NOL4: variants seen among roughly 807,000 people sequenced by gnomAD.
NOL4 encodes the protein nucleolar protein 4.
A neutral mutation model predicts 75.9 loss-of-function variants in NOL4; 17 were observed. The observed-to-expected ratio is 0.22, with a 90% CI of 0.15 to 0.34. The LOEUF is 0.34. NOL4 is among the 10% of genes least tolerant of loss of function. The pLI, the probability that NOL4 is intolerant of heterozygous loss-of-function variation, is 1.00. For synonymous variants in NOL4, 292 were observed against 289.9 expected, an observed-to-expected ratio of 1.01 and a Z score of -0.07; for missense variants, 614 against 793.5, an observed-to-expected ratio of 0.77 and a Z score of 2.72.
intron 6 of NOL4, among the ~76,000 whole-genome samples, chr18:33,996,945 G>A (rs1410493835): frequency 1.3e-5 from 2 of 151,738 alleles, no homozygotes; most frequent in African/African-American, 4.8e-5. Context: ...TGGGATTACT[G>A]GGTCAAATGG....
chr18:34,222,991 G>A lies in NOL4; in HGVS notation c.263C>T (p.Thr88Met), dbSNP rs759309117. The change falls in exon 1 of 11, where the codon ACG becomes ATG. Residue 88 changes from threonine (T) to methionine (M), a missense_variant and splice_region_variant. Physicochemically the swap from Thr to Met is moderately conservative, Grantham distance 81. This residue lies in a region of NOL4 where 49 missense variants were observed against 39.6 expected (regional missense o/e 1.24). Coordinates refer to ENST00000261592, the MANE Select transcript of NOL4 (RefSeq NM_003787.5). ...KQVLYVPVKT[T>M]DGVGVDEKLS... ...AACAGAGGAAGGCGAGTCACTCACC[G>A]TGGTCTTGACAGGCACGTAGAGCAC... 1.4e-5 allele frequency: 22 copies of A among 1,606,316 alleles called. No individual in the cohort carries two copies. The highest frequency in any genetic ancestry group is 1.3e-4 in the African/African-American group (10 of 74,770).
chr18:34,124,091 G>A (rs1484216820), intron 2 of NOL4, among the ~76,000 whole-genome samples: 1 of 152,030 alleles, frequency 6.6e-6, no homozygotes, highest in African/African-American at 2.4e-5. Flanking sequence ...ATAAAATGGG[G>A]AAAAAACAAT....
chr18:34,131,098 ACAC>A (rs1438162392), intron 1 of NOL4, among the ~76,000 whole-genome samples: 2 of 147,110 alleles, frequency 1.4e-5, no homozygotes, highest in African/African-American at 2.5e-5. Context: ...ACACACACAC[ACAC>A]ACTTCTTATT....
intron 1 of NOL4, among the ~76,000 whole-genome samples, chr18:34,135,163 C>G (rs1017793426): frequency 6.6e-6 from 1 of 151,826 alleles, no homozygotes; most frequent in African/African-American, 2.4e-5. Flanking sequence ...TTAAGCTCTA[C>G]TTATATAAAA....
chr18:33,902,243 C>T (rs1308059207), intron 9 of NOL4, among the ~76,000 whole-genome samples: 1 of 151,864 alleles, frequency 6.6e-6, no homozygotes, highest in Admixed American at 6.6e-5. Context: ...CATTGGTTTG[C>T]TCCTAATAAA....
chr18:34,041,951 T>C (rs1035744138), intron 5 of NOL4, among the ~76,000 whole-genome samples: 1 of 151,998 alleles, frequency 6.6e-6, no homozygotes, highest in Admixed American at 6.6e-5. Context: ...AAAATAATAA[T>C]CTTTAAACAG....
intron 2 of NOL4, among the ~76,000 whole-genome samples, chr18:34,117,729 T>G: frequency 6.6e-6 from 1 of 152,188 alleles, no homozygotes. Context: ...GGACTTCCAT[T>G]TTTAATAGAA....
intron 6 of NOL4, among the ~76,000 whole-genome samples, chr18:33,973,817 A>G (rs2071271798): frequency 6.6e-6 from 1 of 152,204 alleles, no homozygotes; most frequent in South Asian, 2.1e-4. Context: ...CTGTACACAG[A>G]TGGGCTGTCA....
At chr18:33,964,069 T>C (rs1331518910) in intron 6 of NOL4, among the ~76,000 whole-genome samples, 2 of 152,276 alleles carry the variant, frequency 1.3e-5, no homozygotes, top group East Asian at 3.9e-4. Context: ...ACAGCAGTGA[T>C]CGTAAGGTAT....
intron 5 of NOL4, among the ~76,000 whole-genome samples, chr18:34,067,527 C>T (rs1173936664): frequency 2.6e-5 from 4 of 152,038 alleles, no homozygotes; most frequent in African/African-American, 9.7e-5. Flanking sequence ...ATAAACCAGG[C>T]AAATGATGAG....
intron 1 of NOL4, among the ~76,000 whole-genome samples, chr18:34,152,320 A>T (rs2081679153): frequency 6.6e-6 from 1 of 151,858 alleles, no homozygotes; most frequent in African/African-American, 2.4e-5. Context: ...TAGGACTCTT[A>T]AAAAAATGTC....
chr18:34,126,787 A>G (rs2145881580), intron 2 of NOL4, among the ~76,000 whole-genome samples: 1 of 152,164 alleles, frequency 6.6e-6, no homozygotes, highest in South Asian at 2.1e-4. Context: ...TTTTGAAGTG[A>G]CTTTCCAAAT....
intron 1 of NOL4, chr18:34,221,020 A>G (rs1233943655): frequency 6.6e-6 from 1 of 152,158 alleles, no homozygotes; most frequent in Non-Finnish European, 1.5e-5. Context: ...TGATCTTAGT[A>G]TCTCTAAAAT....
At chr18:34,009,749 C>T (rs190435895) in intron 6 of NOL4, among the ~76,000 whole-genome samples, 107 of 151,936 alleles carry the variant, frequency 7.0e-4, no homozygotes, top group Non-Finnish European at 2.9e-4. Flanking sequence ...TTCTCAAGGC[C>T]TACACCATGA....
chr18:34,011,404 T>C (rs187344522), intron 6 of NOL4, among the ~76,000 whole-genome samples: 66 of 151,904 alleles, frequency 4.3e-4, no homozygotes, highest in Non-Finnish European at 8.6e-4. Context: ...TCTTCTTTTA[T>C]TCTTTCTCCA....
chr18:33,879,870 T>C (rs185251964), intron 10 of NOL4, among the ~76,000 whole-genome samples: 4 of 152,122 alleles, frequency 2.6e-5, no homozygotes, highest in Admixed American at 6.6e-5. Flanking sequence ...GTCTTTGAAA[T>C]AGGTTCCTAA....
intron 1 of NOL4, chr18:34,222,342 A>C: frequency 1.8e-5 from 18 of 983,326 alleles, no homozygotes; most frequent in East Asian, 1.1e-4. Flanking sequence ...GAGGAAGGGA[A>C]TGGGGGGGCG....
intron 1 of NOL4, chr18:34,157,036 A>G (rs1303105702): frequency 6.6e-6 from 1 of 151,982 alleles, no homozygotes; most frequent in Non-Finnish European, 1.5e-5. Flanking sequence ...TCTGCCTGAC[A>G]TGTTTTTTTT....
chr18:33,941,861 C>T (rs908720302), intron 9 of NOL4, among the ~76,000 whole-genome samples: 10 of 151,848 alleles, frequency 6.6e-5, no homozygotes, highest in African/African-American at 2.4e-4. Context: ...TGTATAGATA[C>T]ATTTTATAGA....
Sources: gnomAD v4.1 joint callset for allele counts (sites outside exome capture counted in the v4.1 genomes callset) on GRCh38, gnomAD v4.1.1 for gene constraint, gnomAD v4.1.1 regional missense constraint, MANE v1.5 for transcripts, NCBI Gene and HGNC (gene_info 2026-07-23, HGNC 2026-07-21) for gene names.